DNAL1: variants seen among roughly 807,000 people sequenced by gnomAD.
DNAL1 encodes chromosome 14 open reading frame 168.
Under a neutral mutation model 29.4 loss-of-function variants are expected in DNAL1, and 17 were observed. The observed-to-expected ratio is 0.58, with a 90% CI of 0.40 to 0.87. The LOEUF (loss-of-function observed/expected upper bound fraction) is 0.87, where lower values mean the gene tolerates loss of function less well. Among genes scored for constraint, DNAL1 ranks in the 40% least tolerant of loss-of-function variants. DNAL1 has a pLI of 0.00. For missense variants in DNAL1, 188 were observed against 214.1 expected, an observed-to-expected ratio of 0.88 and a Z score of 0.76; for synonymous variants, 78 against 76.3, an observed-to-expected ratio of 1.02 and a Z score of -0.12.
intron 5 of DNAL1, among the ~76,000 whole-genome samples, chr14:73,683,559 C>A (rs2140054891): frequency 6.6e-6 from 1 of 152,176 alleles, no homozygotes; most frequent in South Asian, 2.1e-4. Context: ...AGAGCTTATT[C>A]TCCTACATAA....
In DNAL1 at chr14:73,687,348, G is replaced by A; in HGVS notation, c.354G>A (p.Lys118=). 6.2e-7 allele frequency: 1 copy of A among 1,611,614 alleles called. No homozygotes were observed. The highest frequency in any genetic ancestry group is 8.5e-7 in the Non-Finnish European group (1 of 1,178,872). ...GGATCCACATAATGAAGAAATTGAA[G>A]ATTCTCTACATGTCTAATAACCTGG... ...LKGIHIMKKL[K]ILYMSNNLVK... Residue 118 remains lysine, a synonymous_variant, in exon 6 of 8, where the codon AAG becomes AAA. Coordinates refer to ENST00000553645, the MANE Select transcript of DNAL1 (RefSeq NM_031427.4).
intron 5 of DNAL1, among the ~76,000 whole-genome samples, chr14:73,678,533 T>A (rs928774939): frequency 2.1e-5 from 3 of 140,114 alleles, no homozygotes; most frequent in African/African-American, 7.7e-5. Flanking sequence ...TTTTTTTTTT[T>A]AGCAGTGCTA....
At chr14:73,657,761 T>G (rs1459042681) in intron 2 of DNAL1, among the ~76,000 whole-genome samples, 1 of 152,196 alleles carries the variant, frequency 6.6e-6, no homozygotes, top group South Asian at 2.1e-4. Flanking sequence ...ACCAGGCTAC[T>G]TTTTTGTATT....
rs1308733998 is a variant in DNAL1 at position 73,670,290 on chromosome 14, A to G, written c.209-1252A>G. Among the ~76,000 whole-genome samples, 3 of 152,352 alleles carry G rather than the reference A, an allele frequency of 2.0e-5. No individual in the cohort carries two copies. The East Asian group carries it at 5.8e-4, about 29-fold the overall frequency. ...CCAATACAGTTGCTACTAGCTACAT[A>G]TAGTTATTAAGCACTATGAAATGTG... is the stretch of plus-strand genomic sequence containing the variant. On this transcript the variant is annotated intron_variant, in intron 4 of 7. Coordinates refer to ENST00000553645, the MANE Select transcript of DNAL1 (RefSeq NM_031427.4).
At chr14:73,677,262 G>T (rs927073149) in intron 5 of DNAL1, among the ~76,000 whole-genome samples, 1 of 151,888 alleles carries the variant, frequency 6.6e-6, no homozygotes, top group South Asian at 2.1e-4. Flanking sequence ...GAGCCACCGC[G>T]CCCAGCCAGT....
intron 1 of DNAL1, chr14:73,653,319 C>G (rs946432532): frequency 6.6e-6 from 1 of 152,060 alleles, no homozygotes; most frequent in African/African-American, 2.4e-5. Context: ...CTTTAGTAAG[C>G]AGATGGCTGT....
intron 2 of DNAL1, among the ~76,000 whole-genome samples, chr14:73,655,270 G>A (rs966328295): frequency 6.6e-6 from 1 of 151,710 alleles, no homozygotes; most frequent in African/African-American, 2.4e-5. Flanking sequence ...TTTAAATATG[G>A]AAAGGCCAAT....
chr14:73,689,290 C>T (rs116600997), intron 6 of DNAL1, 85 bp from the exon 7 acceptor site: 83 of 1,503,024 alleles, frequency 5.5e-5, no homozygotes, highest in Admixed American at 6.1e-5. Context: ...CCTTGTCCCC[C>T]CAAAGTTCTG....
At chr14:73,679,301 T>C (rs1203688300) in intron 5 of DNAL1, among the ~76,000 whole-genome samples, 1 of 152,198 alleles carries the variant, frequency 6.6e-6, no homozygotes, top group African/African-American at 2.4e-5. Context: ...GCCAAGACTT[T>C]TGTTTTTATA....
rs1892346249 is a variant in DNAL1 at position 73,698,126 on chromosome 14, C to G, written c.*2184C>G. The G allele has an allele frequency of 6.6e-6, 1 of 152,150 alleles. No homozygotes were observed. Among genetic ancestry groups the G allele is most frequent in the Non-Finnish European group, 1.5e-5 (1 of 68,026 alleles). 9.4% of individuals were successfully genotyped at this position (152,150 alleles called of 1,614,324 possible). On this transcript the variant is annotated 3_prime_UTR_variant, in exon 8 of 8. Coordinates refer to ENST00000553645, the MANE Select transcript of DNAL1 (RefSeq NM_031427.4). Reference sequence around the variant, plus strand: ...TTTTGGTGTTTGTTTTTTCTGAATTCTGTAATATAGAAACTGGTTCTCTTT... The same window carrying G: ...TTTTGGTGTTTGTTTTTTCTGAATTGTGTAATATAGAAACTGGTTCTCTTT...
In DNAL1 at chr14:73,698,506, A is replaced by AT. The variant is rs746527785; in HGVS notation, c.*2570dup. The AT allele has an allele frequency of 3.3e-5, 5 of 151,222 alleles. No homozygotes were observed. The highest frequency in any genetic ancestry group is 7.4e-5 in the Non-Finnish European group (5 of 67,806). The allele number at this position is 151,222 out of a possible 1,614,324, so 9.4% of individuals were successfully genotyped here. On this transcript the variant is annotated 3_prime_UTR_variant, in exon 8 of 8. Coordinates refer to ENST00000553645, the MANE Select transcript of DNAL1 (RefSeq NM_031427.4). ...TACGCCATTTTAGTGGATCATTTAA[A>AT]TTTTTTCTATTCTGTTTTTTTTTGT...
At chr14:73,691,985 C>G (rs1303172425) in intron 7 of DNAL1, among the ~76,000 whole-genome samples, 1 of 140,722 alleles carries the variant, frequency 7.1e-6, no homozygotes, top group East Asian at 2.2e-4. Context: ...CGGTGAGCCA[C>G]TGTGCCCAGA....
In DNAL1 at chr14:73,662,419, C is replaced by T. The variant is rs115829651; in HGVS notation, c.208+377C>T. On this transcript the variant is annotated intron_variant, in intron 4 of 7. Transcript: ENST00000553645. ...TTATCCTCGTTAATGACATTGCCTC[C>T]CTCCCAGTTGCCAAGGCCTCTGACT... 3.9e-3 allele frequency among the ~76,000 whole-genome samples: 590 copies of T among 152,226 alleles called. 2 individuals are homozygous for T. Among genetic ancestry groups the T allele is most frequent in the African/African-American group, 0.014 (568 of 41,536 alleles).
chr14:73,658,107 AT>A (rs1285078915), intron 2 of DNAL1, among the ~76,000 whole-genome samples: 1 of 152,100 alleles, frequency 6.6e-6, no homozygotes, highest in Non-Finnish European at 1.5e-5. Flanking sequence ...GTCCAGTTTC[AT>A]TTGTCTGCAT....
rs113194965 is a variant in DNAL1, at chr14:73,675,202, T to A, written c.264+3605T>A. Among the ~76,000 whole-genome samples, 779 of 145,076 alleles carry A rather than the reference T, an allele frequency of 5.4e-3. 3 individuals carry two copies. Among genetic ancestry groups the A allele is most frequent in the African/African-American group, 0.016 (660 of 40,312 alleles). ...TGTTCTTGTTCTCTCTCTCTCTCTC[T>A]CACACACAAACACACACACACACAC... On this transcript the variant is annotated intron_variant, in intron 5 of 7. Coordinates refer to ENST00000553645, the MANE Select transcript of DNAL1 (RefSeq NM_031427.4).
In DNAL1 at chr14:73,654,824, CTTTCT is replaced by C; in HGVS notation, c.4-19_4-15del. ...TACATACAACTTTGTTTTTTCTTTT[CTTTCT>C]TTTTTTTTTTTTTAAAGGCGAAAGC... On this transcript the variant is annotated intron_variant, in intron 1 of 7. Transcript: ENST00000553645. The C allele has an allele frequency of 4.0e-6, 6 of 1,492,596 alleles. No homozygotes were observed. The highest frequency in any genetic ancestry group is 2.5e-5 in the East Asian group (1 of 40,476). The allele number at this position is 1,492,596 out of a possible 1,614,324, so 92.5% of individuals were successfully genotyped here.
rs1892321166 is a variant in DNAL1 at position 73,697,283 on chromosome 14, T to G, written c.*1341T>G. 6.6e-6 allele frequency: 1 copy of G among 152,244 alleles called. No homozygotes were observed. The highest frequency in any genetic ancestry group is 2.4e-5 in the African/African-American group (1 of 41,456). The allele number at this position is 152,244 out of a possible 1,614,324, so 9.4% of individuals were successfully genotyped here. A position where few individuals can be genotyped will look rare whatever the true frequency, so the allele number is the denominator to read the frequency against. On this transcript the variant is annotated 3_prime_UTR_variant, in exon 8 of 8. Coordinates refer to ENST00000553645, the MANE Select transcript of DNAL1 (RefSeq NM_031427.4). ...GTTTCCCCATCTACTTGTGTGATTT[T>G]ACTTGCATAAAATCACAGTGAAAGA...
rs1354851953 is a variant in DNAL1 at position 73,700,188 on chromosome 14, C to T, written c.*4246C>T. The T allele has an allele frequency of 6.6e-6, 1 of 152,092 alleles. No homozygotes were observed. The highest frequency in any genetic ancestry group is 1.5e-5 in the Non-Finnish European group (1 of 68,040). The allele number at this position is 152,092 out of a possible 1,614,324, so 9.4% of individuals were successfully genotyped here. On this transcript the variant is annotated 3_prime_UTR_variant, in exon 8 of 8. Transcript: ENST00000553645. The stretch of plus-strand genomic sequence containing the variant: ...CCAACGTGGTGAAACCCCATGTCTA[C>T]CAAAAATATAAAAAGATAGCCGGGC...
At chr14:73,670,120 T>G (rs1302161924) in intron 4 of DNAL1, among the ~76,000 whole-genome samples, 2 of 152,206 alleles carry the variant, frequency 1.3e-5, no homozygotes, top group African/African-American at 4.8e-5. Context: ...TTTCCCCATT[T>G]TATATATGGG....
Sources: allele counts gnomAD v4.1 joint callset (sites outside exome capture counted in the v4.1 genomes callset), GRCh38; gene constraint gnomAD v4.1.1; transcripts MANE v1.5; gene names NCBI Gene and HGNC (gene_info 2026-07-23, HGNC 2026-07-21).